The following PTPRN2 variants were observed in gnomAD, a reference collection of about 807,000 sequenced individuals.
The protein encoded by PTPRN2 is protein tyrosine phosphatase receptor type N2, also known as receptor-type tyrosine-protein phosphatase N2.
PTPRN2 carries 74 observed loss-of-function variants against 118.8 expected under a neutral mutation model. The ratio of observed to expected loss-of-function variants is 0.62; its 90% CI spans 0.52 to 0.76. The LOEUF is 0.76. PTPRN2 is among the 30% of genes least tolerant of loss of function. The pLI, the probability that PTPRN2 is intolerant of heterozygous loss-of-function variation, is 0.00. For missense variants in PTPRN2, 1,481 were observed against 1,394.4 expected (o/e 1.06, Z -0.99); for synonymous variants, 641 against 608.0 (o/e 1.05, Z -0.80).
At chr7:157,811,195 C>T (rs1429700567) in intron 12 of PTPRN2, among the ~76,000 whole-genome samples, 16 of 150,586 alleles carry the variant, frequency 1.1e-4, no homozygotes, top group East Asian at 2.0e-4. Flanking sequence ...GGCATGAACC[C>T]GGGAGGTGGA....
chr7:157,575,718 T>C, intron 19 of PTPRN2, among the ~76,000 whole-genome samples: 1 of 152,212 alleles, frequency 6.6e-6, no homozygotes, highest in East Asian at 1.9e-4. Flanking sequence ...TGAGTAACTG[T>C]TAAGAATCAA....
At chr7:157,606,581 G>A (rs1045209204) in intron 15 of PTPRN2, among the ~76,000 whole-genome samples, 3 of 152,188 alleles carry the variant, frequency 2.0e-5, no homozygotes, top group Non-Finnish European at 4.4e-5. Context: ...AAGCACCCTC[G>A]CTGGAGCCCT....
At chr7:157,558,672 T>C (rs1286366937) in intron 21 of PTPRN2, among the ~76,000 whole-genome samples, 1 of 152,126 alleles carries the variant, frequency 6.6e-6, no homozygotes, top group Non-Finnish European at 1.5e-5. Context: ...TGCAGCCAGC[T>C]CCCCTCCCAG....
At chr7:158,098,106 C>A (rs1268369851) in intron 10 of PTPRN2, among the ~76,000 whole-genome samples, 1 of 152,148 alleles carries the variant, frequency 6.6e-6, no homozygotes, top group Non-Finnish European at 1.5e-5. Flanking sequence ...AGGCACAGGA[C>A]GTGGAAGTAA....
rs183778223 is a variant in PTPRN2 at position 157,729,418 on chromosome 7, C to A, written c.1789-46481G>T. Among the ~76,000 whole-genome samples, 44 of 152,266 alleles carry A rather than the reference C, an allele frequency of 2.9e-4. No homozygotes were observed. Among genetic ancestry groups the A allele is most frequent in the Admixed American group, 2.9e-3 (44 of 15,294 alleles). On this transcript the variant is annotated intron_variant, in intron 12 of 22. Coordinates refer to ENST00000389418, the MANE Select transcript of PTPRN2 (RefSeq NM_002847.5). This position sits in a 1 kb window ranked among gnomAD's most constrained non-coding sequence, Gnocchi z 4.3. The stretch of plus-strand genomic sequence containing the variant: ...ACTCTGCTCCCGTGGACAGCTCCAT[C>A]TTCAGCAGCTCCGTGCATAGGGACT...
intron 10 of PTPRN2, among the ~76,000 whole-genome samples, chr7:158,090,293 A>G (rs1409280006): frequency 6.6e-6 from 1 of 152,384 alleles, no homozygotes; most frequent in East Asian, 1.9e-4. Flanking sequence ...ATATATTAGG[A>G]GAAACAAAAG....
chr7:158,227,589 A>C (rs1394865123), intron 3 of PTPRN2, among the ~76,000 whole-genome samples: 7 of 152,122 alleles, frequency 4.6e-5, no homozygotes, highest in Non-Finnish European at 1.0e-4. Flanking sequence ...TTATGAGTAG[A>C]ATTCACGACT....
intron 10 of PTPRN2, 118 bp from the exon 11 acceptor site, chr7:158,081,495 T>A (rs1311789183): frequency 2.1e-6 from 2 of 933,536 alleles, no homozygotes; most frequent in Non-Finnish European, 3.4e-6. Context: ...AAGGCCGCTG[T>A]GGCTCCAGGC....
chr7:157,755,590 T>C (rs1268532386), intron 12 of PTPRN2, among the ~76,000 whole-genome samples: 1 of 152,180 alleles, frequency 6.6e-6, no homozygotes, highest in Non-Finnish European at 1.5e-5. Flanking sequence ...TGGGTGCAGC[T>C]GGAGGCCATG....
intron 12 of PTPRN2, among the ~76,000 whole-genome samples, chr7:157,724,591 G>C (rs1352906983): frequency 6.6e-6 from 1 of 152,182 alleles, no homozygotes; most frequent in Non-Finnish European, 1.5e-5. Flanking sequence ...AACCTGCTGA[G>C]CATCACAGCT....
At chr7:158,479,913 G>A (rs1335185807) in intron 2 of PTPRN2, among the ~76,000 whole-genome samples, 3 of 152,246 alleles carry the variant, frequency 2.0e-5, no homozygotes, top group East Asian at 1.9e-4. Flanking sequence ...TCTGGAGATC[G>A]ACTGCTGTTT....
chr7:158,152,301 A>G (rs990629698), intron 6 of PTPRN2, among the ~76,000 whole-genome samples: 11 of 152,300 alleles, frequency 7.2e-5, no homozygotes, highest in Middle Eastern at 3.4e-3. Context: ...TGCCAGAGAA[A>G]GCCTCATTGA....
intron 3 of PTPRN2, among the ~76,000 whole-genome samples, chr7:158,312,501 T>C (rs1801911190): frequency 6.9e-6 from 1 of 145,774 alleles, no homozygotes; most frequent in Admixed American, 6.8e-5. Flanking sequence ...TGCTCACGTG[T>C]AGACACCCAC....
intron 15 of PTPRN2, among the ~76,000 whole-genome samples, chr7:157,612,133 A>C (rs1375678244): frequency 6.6e-6 from 1 of 152,216 alleles, no homozygotes; most frequent in African/African-American, 2.4e-5. Flanking sequence ...TGCCCTGAGC[A>C]GCACCTGGTG....
chr7:157,849,477 G>A (rs1809116291), intron 12 of PTPRN2, among the ~76,000 whole-genome samples: 1 of 152,196 alleles, frequency 6.6e-6, no homozygotes, highest in Non-Finnish European at 1.5e-5. Flanking sequence ...CCCTTCCCGA[G>A]ATGCTGCTGC....
intron 12 of PTPRN2, among the ~76,000 whole-genome samples, chr7:157,684,993 T>G (rs1453702627): frequency 2.0e-5 from 3 of 151,712 alleles, no homozygotes; most frequent in Non-Finnish European, 4.4e-5. Context: ...CCAGGGTCCA[T>G]GTTCGCCTGC....
In PTPRN2 at chr7:158,527,539, G is replaced by A. The variant is rs529771467; in HGVS notation, c.113-37754C>T. 4.6e-5 allele frequency among the ~76,000 whole-genome samples: 7 copies of A among 151,742 alleles called. 1 individual carries two copies. Among genetic ancestry groups the A allele is most frequent in the Admixed American group, 3.3e-4 (5 of 15,276 alleles). On this transcript the variant is annotated intron_variant, in intron 1 of 22. Coordinates refer to ENST00000389418, the MANE Select transcript of PTPRN2 (RefSeq NM_002847.5). The stretch of plus-strand genomic sequence containing the variant: ...CATTTCCTCCTTCTGAGAATACCGT[G>A]GAGTTGGGATTGTGTTTGCCTGTTT...
intron 2 of PTPRN2, among the ~76,000 whole-genome samples, chr7:158,328,418 G>A (rs1283455833): frequency 2.0e-5 from 3 of 152,230 alleles, no homozygotes; most frequent in Non-Finnish European, 1.5e-5. Flanking sequence ...TTATTTTCAA[G>A]GATTTCGTTA....
At position 157,710,239 on chromosome 7, in the gene PTPRN2, G is replaced by A. The variant is rs78054766; in HGVS notation, c.1789-27302C>T. Among the ~76,000 whole-genome samples the A allele has an allele frequency of 5.0e-3, 763 of 152,306 alleles. 14 individuals carry two copies. Among genetic ancestry groups the A allele is most frequent in the East Asian group, 0.045 (235 of 5,174 alleles). Reference sequence around the variant, plus strand: ...CCCCTTGGACGAGGCTTTCTGGAACGTCCAGAATAAAGAGAATCCTCATTT... The same window carrying A: ...CCCCTTGGACGAGGCTTTCTGGAACATCCAGAATAAAGAGAATCCTCATTT... On this transcript the variant is annotated intron_variant, in intron 12 of 22. Transcript: ENST00000389418.
Sources: allele counts gnomAD v4.1 joint callset (sites outside exome capture counted in the v4.1 genomes callset), GRCh38; gene constraint gnomAD v4.1.1; non-coding constraint Gnocchi (gnomAD v3.1); transcripts MANE v1.5; gene names NCBI Gene and HGNC (gene_info 2026-07-23, HGNC 2026-07-21).